CCL28: variants seen among roughly 807,000 people sequenced by gnomAD.
CCL28 encodes C-C motif chemokine 28.
A neutral mutation model predicts 7.1 loss-of-function variants in CCL28; 4 were observed. That is an observed-to-expected ratio of 0.56 (90% CI 0.28 to 1.29). CCL28 has a LOEUF of 1.29. CCL28 is among the 50% of genes most tolerant of loss of function. The pLI, the probability that CCL28 is intolerant of heterozygous loss-of-function variation, is 0.11. For missense variants in CCL28, 151 were observed against 163.4 expected, an observed-to-expected ratio of 0.92 and a Z score of 0.41; for synonymous variants, 55 against 57.8, an observed-to-expected ratio of 0.95 and a Z score of 0.22.
chr5:43,408,332 C>T lies in CCL28; in HGVS notation c.64+3921G>A, dbSNP rs191075046. On this transcript the variant is annotated intron_variant, in intron 1 of 2. Coordinates refer to ENST00000361115, the MANE Select transcript of CCL28 (RefSeq NM_148672.3). The stretch of plus-strand genomic sequence containing the variant: ...CCATAAAAAAGGATGAGTTCATGTC[C>T]TTTGTAGGGACATGGATGATGCTGG... 3.2e-3 allele frequency among the ~76,000 whole-genome samples: 487 copies of T among 152,248 alleles called. 5 individuals are homozygous for T. Among genetic ancestry groups the T allele is most frequent in the African/African-American group, 0.011 (465 of 41,526 alleles).
chr5:43,388,879 T>C (rs989135694), intron 1 of CCL28, among the ~76,000 whole-genome samples: 3 of 152,204 alleles, frequency 2.0e-5, no homozygotes, highest in Non-Finnish European at 4.4e-5. Context: ...CATTCAAAGT[T>C]GAAATAAGGC....
chr5:43,375,835 A>G (rs1739879396), downstream of CCL28, among the ~76,000 whole-genome samples: 1 of 147,746 alleles, frequency 6.8e-6, no homozygotes, highest in Non-Finnish European at 1.5e-5. Context: ...AATGCCAACT[A>G]CTCGGGAGGC....
intron 1 of CCL28, among the ~76,000 whole-genome samples, chr5:43,391,332 G>T (rs1166833889): frequency 6.6e-6 from 1 of 152,208 alleles, no homozygotes; most frequent in Non-Finnish European, 1.5e-5. Flanking sequence ...ATTTATGAAT[G>T]TAAGTTGTAG....
At chr5:43,411,949 G>C (rs999656509) in intron 1 of CCL28, among the ~76,000 whole-genome samples, 3 of 152,196 alleles carry the variant, frequency 2.0e-5, no homozygotes, top group Admixed American at 2.0e-4. Context: ...CCTCTAGCTG[G>C]GGATTTTCTA....
chr5:43,393,643 CCG>C (rs1185048404), intron 1 of CCL28, among the ~76,000 whole-genome samples: 1 of 152,226 alleles, frequency 6.6e-6, no homozygotes, highest in Non-Finnish European at 1.5e-5. Context: ...GCGTGAGCCA[CCG>C]CGCCCGGCCT....
At chr5:43,363,210 G>A in the CCL28 span, among the ~76,000 whole-genome samples, 2 of 152,064 alleles carry the variant, frequency 1.3e-5, no homozygotes, top group South Asian at 4.2e-4. Context: ...TGGTTGCTGT[G>A]GTTGCTACCA....
downstream of CCL28, among the ~76,000 whole-genome samples, chr5:43,372,461 C>T (rs751861758): frequency 3.8e-4 from 58 of 152,022 alleles, no homozygotes; most frequent in Admixed American, 7.2e-4. Context: ...CTCCGCCTCC[C>T]AGGTTCAAGG....
intron 2 of CCL28, among the ~76,000 whole-genome samples, chr5:43,387,298 A>ACCTG (rs1740381003): frequency 6.6e-6 from 1 of 152,216 alleles, no homozygotes; most frequent in African/African-American, 2.4e-5. Context: ...GAACCGTGTA[A>ACCTG]CCTGAGTCAC....
chr5:43,364,381 A>T, the CCL28 span, among the ~76,000 whole-genome samples: 1 of 152,034 alleles, frequency 6.6e-6, no homozygotes, highest in East Asian at 1.9e-4. Flanking sequence ...TGTTTATGCC[A>T]CTGTATTTTT....
At chr5:43,389,753 A>G (rs1740494238) in intron 1 of CCL28, among the ~76,000 whole-genome samples, 2 of 152,200 alleles carry the variant, frequency 1.3e-5, no homozygotes, top group South Asian at 4.1e-4. Context: ...TCTAAGTCAC[A>G]TTAACTATAA....
intron 2 of CCL28, among the ~76,000 whole-genome samples, chr5:43,383,662 G>T (rs542041221): frequency 5.2e-4 from 79 of 152,176 alleles, no homozygotes; most frequent in African/African-American, 1.9e-3. Context: ...TAGCACTGTT[G>T]CGTAGGAAAC....
intron 2 of CCL28, among the ~76,000 whole-genome samples, chr5:43,384,500 T>C (rs879500462): frequency 1.3e-5 from 2 of 152,214 alleles, no homozygotes; most frequent in Non-Finnish European, 2.9e-5. Flanking sequence ...TGAAGTAATG[T>C]TGGAAACGGG....
At chr5:43,363,785 C>T in the CCL28 span, among the ~76,000 whole-genome samples, 1 of 152,338 alleles carries the variant, frequency 6.6e-6, no homozygotes, top group African/African-American at 2.4e-5. Context: ...ATGTTACCTA[C>T]ATACCTCTTT....
rs1007743869 is a variant in CCL28 at position 43,379,706 on chromosome 5, G to C, written c.*2154C>G. ...GGGAGGCCCAGGACACCTGCCACCT[G>C]ATAAAGTGGCTCCTGCTCTCTATTG... On this transcript the variant is annotated 3_prime_UTR_variant, in exon 3 of 3. Coordinates refer to ENST00000361115, the MANE Select transcript of CCL28 (RefSeq NM_148672.3). 4 of 152,236 alleles carry C rather than the reference G, an allele frequency of 2.6e-5. No individual in the cohort carries two copies. Among genetic ancestry groups the C allele is most frequent in the Non-Finnish European group, 4.4e-5 (3 of 68,082 alleles). 9.4% of individuals were successfully genotyped at this position (152,236 alleles called of 1,614,324 possible). A position where few individuals can be genotyped will look rare whatever the true frequency, so the allele number is the denominator to read the frequency against.
chr5:43,408,464 G>A (rs549904008), intron 1 of CCL28, among the ~76,000 whole-genome samples: 1 of 152,190 alleles, frequency 6.6e-6, no homozygotes, highest in African/African-American at 2.4e-5. Flanking sequence ...CCAGGGTGGG[G>A]AACATCACAC....
the CCL28 span, among the ~76,000 whole-genome samples, chr5:43,370,494 C>G: frequency 6.6e-6 from 1 of 152,106 alleles, no homozygotes; most frequent in Non-Finnish European, 1.5e-5. Context: ...TACCTGTTTA[C>G]ATACTCAGGA....
chr5:43,409,145 C>T (rs1271437029), intron 1 of CCL28, among the ~76,000 whole-genome samples: 1 of 151,946 alleles, frequency 6.6e-6, no homozygotes, highest in Non-Finnish European at 1.5e-5. Flanking sequence ...GCCAGGTGTG[C>T]CTGGGCATGG....
intron 1 of CCL28, among the ~76,000 whole-genome samples, chr5:43,410,175 T>C (rs1561170837): frequency 1.3e-5 from 2 of 152,220 alleles, no homozygotes; most frequent in Non-Finnish European, 2.9e-5. Context: ...TGTTGAGTTG[T>C]TGAGTGTTCT....
chr5:43,383,965 C>A, intron 2 of CCL28: 1 of 176,664 alleles, frequency 5.7e-6, no homozygotes, highest in Non-Finnish European at 1.3e-5. Flanking sequence ...TGGCACGCAC[C>A]TGTAATCCCA....
Sources: allele counts gnomAD v4.1 joint callset (sites outside exome capture counted in the v4.1 genomes callset), GRCh38; gene constraint gnomAD v4.1.1; transcripts MANE v1.5; gene names NCBI Gene and HGNC (gene_info 2026-07-23, HGNC 2026-07-21).